SLCO2B1: variants seen among roughly 807,000 people sequenced by gnomAD.
SLCO2B1 encodes the protein OATP-RP2.
SLCO2B1 carries 41 observed loss-of-function variants against 67.3 expected under a neutral mutation model. That is an observed-to-expected ratio of 0.61 (90% CI 0.47 to 0.79). SLCO2B1 has a LOEUF of 0.79. Among genes scored for constraint, SLCO2B1 ranks in the 30% least tolerant of loss-of-function variants. The probability of loss-of-function intolerance (pLI) is 0.00; values close to 1 mark genes in which losing one functional copy is unlikely to be tolerated. For synonymous variants in SLCO2B1, 379 were observed against 381.4 expected, an observed-to-expected ratio of 0.99 and a Z score of 0.07; for missense variants, 837 against 920.1, an observed-to-expected ratio of 0.91 and a Z score of 1.17.
At chr11:75,173,990 T>C (rs1484252062) in intron 7 of SLCO2B1, among the ~76,000 whole-genome samples, 3 of 152,014 alleles carry the variant, frequency 2.0e-5, no homozygotes, top group Non-Finnish European at 2.9e-5. Flanking sequence ...TTAGTAGAGA[T>C]GGCGTTTCAC....
chr11:75,169,503 C>T (rs1429702560), intron 5 of SLCO2B1, 97 bp downstream of exon 5: 9 of 1,260,914 alleles, frequency 7.1e-6, no homozygotes, highest in Admixed American at 2.3e-5. Context: ...GGAATCCCTG[C>T]CCCCTGCCCC....
intron 4 of SLCO2B1, among the ~76,000 whole-genome samples, chr11:75,167,329 T>G (rs80354316): frequency 6.9e-4 from 105 of 152,334 alleles, no homozygotes; most frequent in African/African-American, 2.5e-3. Context: ...CACATTTCTT[T>G]GTACAGAATT....
chr11:75,176,056 C>A (rs1344620141), intron 7 of SLCO2B1, among the ~76,000 whole-genome samples: 2 of 152,212 alleles, frequency 1.3e-5, no homozygotes, highest in Non-Finnish European at 2.9e-5. Flanking sequence ...ACAGGCCTCA[C>A]CTCCCTCTAG....
intron 8 of SLCO2B1, among the ~76,000 whole-genome samples, chr11:75,189,162 TA>T (rs1490608117): frequency 6.6e-6 from 1 of 152,118 alleles, no homozygotes. Flanking sequence ...GTAACCAGAG[TA>T]CACATTATGA....
At chr11:75,161,705 C>T (rs1037646060) in intron 1 of SLCO2B1, among the ~76,000 whole-genome samples, 8 of 152,080 alleles carry the variant, frequency 5.3e-5, no homozygotes, top group Admixed American at 1.3e-4. Flanking sequence ...GAAGTGGAGC[C>T]GCAGAAGGGG....
intron 10 of SLCO2B1, among the ~76,000 whole-genome samples, chr11:75,197,489 G>A (rs1344486923): frequency 6.6e-6 from 1 of 152,260 alleles, no homozygotes; most frequent in African/African-American, 2.4e-5. Context: ...TTCTGTTGGA[G>A]CAGAAGCACA....
chr11:75,190,302 G>A (rs1452612473), intron 8 of SLCO2B1, among the ~76,000 whole-genome samples: 1 of 152,252 alleles, frequency 6.6e-6, no homozygotes, highest in African/African-American at 2.4e-5. Context: ...CAGGCCCTGT[G>A]GCTGGTGAGC....
chr11:75,193,118 G>A lies in SLCO2B1; in HGVS notation c.1076-100G>A, dbSNP rs1246305860. 4 of 832,486 alleles carry A rather than the reference G, an allele frequency of 4.8e-6. No individual in the cohort carries two copies. In the African/African-American group the frequency reaches 6.8e-5, roughly 14 times the overall value. 51.6% of individuals were successfully genotyped at this position (832,486 alleles called of 1,614,324 possible). A position where few individuals can be genotyped will look rare whatever the true frequency, so the allele number is the denominator to read the frequency against. On this transcript the variant is annotated intron_variant, in intron 8 of 13. Coordinates refer to ENST00000289575, the MANE Select transcript of SLCO2B1 (RefSeq NM_007256.5). The surrounding 1 kb of genome is among the most constrained non-coding windows in gnomAD (Gnocchi z 4.2). ...GAATTAAGTGGAATGGGGCGGGTTA[G>A]AAGAAATGGAACTGCTTGAACTGAG... is the stretch of plus-strand genomic sequence containing the variant.
intron 11 of SLCO2B1, chr11:75,201,285 A>T (rs1257525395): frequency 6.6e-6 from 1 of 152,124 alleles, no homozygotes; most frequent in African/African-American, 2.4e-5. Context: ...GGCCTCCCAA[A>T]GTGCTGGGAT....
chr11:75,155,369 C>T (rs999231087), intron 1 of SLCO2B1, among the ~76,000 whole-genome samples: 2 of 152,114 alleles, frequency 1.3e-5, no homozygotes, highest in Non-Finnish European at 2.9e-5. Context: ...CTGCCCCCAT[C>T]CCAACTCATG....
intron 7 of SLCO2B1, among the ~76,000 whole-genome samples, chr11:75,175,877 A>G (rs946109742): frequency 1.5e-4 from 23 of 152,294 alleles, no homozygotes; most frequent in Middle Eastern, 3.4e-3. Context: ...CCTGGGGGGC[A>G]GGGGGCAATA....
intron 6 of SLCO2B1, among the ~76,000 whole-genome samples, chr11:75,170,473 G>A (rs145978784): frequency 3.3e-4 from 50 of 152,242 alleles, no homozygotes; most frequent in African/African-American, 1.2e-3. Flanking sequence ...GAGCAGTAGC[G>A]TACTCCTGTT....
At chr11:75,198,190 A>G (rs1945129526) in intron 10 of SLCO2B1, among the ~76,000 whole-genome samples, 1 of 152,228 alleles carries the variant, frequency 6.6e-6, no homozygotes, top group Non-Finnish European at 1.5e-5. Context: ...AGAGACCCCC[A>G]GGCCTTGGCA....
chr11:75,157,747 C>T (rs1274001454), intron 1 of SLCO2B1, among the ~76,000 whole-genome samples: 1 of 152,068 alleles, frequency 6.6e-6, no homozygotes, highest in African/African-American at 2.4e-5. Context: ...GGCTGAGGTC[C>T]CTATAACAAA....
intron 9 of SLCO2B1, among the ~76,000 whole-genome samples, chr11:75,194,781 GA>G (rs2140339500): frequency 6.6e-6 from 1 of 152,068 alleles, no homozygotes; most frequent in Non-Finnish European, 1.5e-5. Flanking sequence ...AAATAGTGCA[GA>G]AAAAGTCAGC....
chr11:75,198,128 G>T (rs1440173465), intron 10 of SLCO2B1, among the ~76,000 whole-genome samples: 5 of 152,192 alleles, frequency 3.3e-5, no homozygotes, highest in Admixed American at 2.6e-4. Flanking sequence ...TGTTGATGGT[G>T]CATAGTCCTT....
Position 75,185,790 on chromosome 11 carries a change from A to T in SLCO2B1, c.973-2346A>T, listed in dbSNP as rs189302757. On this transcript the variant is annotated intron_variant, in intron 7 of 13. Transcript: ENST00000289575. ...AACGCGTCCACCCTAGCTACAATAC[A>T]TGTTTATATATAGGATGAAAAAAGA... Among the ~76,000 whole-genome samples, 793 of 152,206 alleles carry T rather than the reference A, an allele frequency of 5.2e-3. 5 individuals carry two copies. The highest frequency in any genetic ancestry group is 0.018 in the African/African-American group (754 of 41,522).
chr11:75,185,016 G>A (rs1444864374), intron 7 of SLCO2B1, among the ~76,000 whole-genome samples: 2 of 152,098 alleles, frequency 1.3e-5, no homozygotes, highest in Non-Finnish European at 2.9e-5. Flanking sequence ...CTGCTGGAAT[G>A]AAAGAAGAAA....
At chr11:75,184,354 C>T (rs1024104673) in intron 7 of SLCO2B1, among the ~76,000 whole-genome samples, 1 of 152,214 alleles carries the variant, frequency 6.6e-6, no homozygotes, top group African/African-American at 2.4e-5. Context: ...AGGTTTGCCT[C>T]AGACCTAAAG....
Sources: allele counts gnomAD v4.1 joint callset (sites outside exome capture counted in the v4.1 genomes callset), GRCh38; gene constraint gnomAD v4.1.1; non-coding constraint Gnocchi (gnomAD v3.1); transcripts MANE v1.5; gene names NCBI Gene and HGNC (gene_info 2026-07-23, HGNC 2026-07-21).